Variants in FAIM2 observed in about 807,000 individuals in gnomAD.
The protein encoded by FAIM2 is Fas apoptotic inhibitory molecule 2, also known as protein lifeguard 2.
In FAIM2, 27 loss-of-function variants were observed where a neutral mutation model predicts 47.4. That is an observed-to-expected ratio of 0.57 (90% CI 0.42 to 0.78). The LOEUF (loss-of-function observed/expected upper bound fraction) is 0.78. Ranked by LOEUF, FAIM2 falls within the 30% of genes least tolerant of loss-of-function variation. FAIM2 has a pLI of 0.00. For synonymous variants in FAIM2, 156 were observed against 159.3 expected (o/e 0.98, Z 0.16); for missense variants, 311 against 389.4 (o/e 0.80, Z 1.69).
intron 5 of FAIM2, among the ~76,000 whole-genome samples, chr12:49,894,439 G>T (rs1056194078): frequency 6.6e-6 from 1 of 152,184 alleles, no homozygotes. Context: ...ACCAATGGAG[G>T]GAGGCGATGA....
chr12:49,887,973 G>A (rs946942961), intron 10 of FAIM2, among the ~76,000 whole-genome samples: 13 of 152,110 alleles, frequency 8.5e-5, no homozygotes, highest in African/African-American at 2.9e-4. Flanking sequence ...AGCACAGGCT[G>A]GAACAGCACC....
intron 2 of FAIM2, 76 bp from the exon 3 acceptor site, chr12:49,898,166 A>C: frequency 8.7e-5 from 82 of 939,722 alleles, no homozygotes; most frequent in Middle Eastern, 2.3e-4. Flanking sequence ...CCCCCAACTC[A>C]AAGCTGCCTT....
intron 7 of FAIM2, 123 bp from the exon 8 acceptor site, chr12:49,890,277 C>A (rs1387034544): frequency 1.2e-6 from 1 of 828,308 alleles, no homozygotes. Flanking sequence ...CTATGTCACC[C>A]CCACACACAC....
intron 5 of FAIM2, among the ~76,000 whole-genome samples, chr12:49,893,818 G>A (rs1034859565): frequency 3.2e-4 from 49 of 152,162 alleles, no homozygotes; most frequent in Admixed American, 4.6e-4. Context: ...GGAAACACTC[G>A]GAACCTGCCC....
At chr12:49,886,084 T>C (rs963894080) in intron 11 of FAIM2, among the ~76,000 whole-genome samples, 2 of 152,140 alleles carry the variant, frequency 1.3e-5, no homozygotes, top group Non-Finnish European at 2.9e-5. Context: ...CCACTTGAAT[T>C]GAGCTGAACG....
chr12:49,880,624 ATG>A (rs1169284178), intron 11 of FAIM2, among the ~76,000 whole-genome samples: 1 of 60,296 alleles, frequency 1.7e-5, no homozygotes. Flanking sequence ...GTGTATGTGC[ATG>A]TGTGTATATA....
intron 11 of FAIM2, among the ~76,000 whole-genome samples, chr12:49,879,417 A>C (rs1374563754): frequency 8.8e-6 from 1 of 113,954 alleles, no homozygotes; most frequent in Non-Finnish European, 1.9e-5. Flanking sequence ...TGTGCATGTG[A>C]GTGTATGTGT....
chr12:49,881,748 C>T (rs962736844), intron 11 of FAIM2, among the ~76,000 whole-genome samples: 2 of 152,200 alleles, frequency 1.3e-5, no homozygotes, highest in African/African-American at 4.8e-5. Flanking sequence ...ATATTTGGGT[C>T]TGGCATCCAG....
chr12:49,878,183 T>C (rs1175862315), intron 11 of FAIM2, among the ~76,000 whole-genome samples: 1 of 60,878 alleles, frequency 1.6e-5, no homozygotes, highest in Non-Finnish European at 2.9e-5. Context: ...TGCATGTGTA[T>C]ATGTGTGTGC....
chr12:49,879,239 T>C (rs1946778032), intron 11 of FAIM2, among the ~76,000 whole-genome samples: 1 of 125,594 alleles, frequency 8.0e-6, no homozygotes, highest in African/African-American at 3.6e-5. Context: ...TATGTATGCA[T>C]GCATGTGTGT....
intron 2 of FAIM2, among the ~76,000 whole-genome samples, chr12:49,898,590 A>G (rs1280539465): frequency 6.6e-6 from 1 of 152,086 alleles, no homozygotes; most frequent in African/African-American, 2.4e-5. Flanking sequence ...CAGTGGCATG[A>G]TCATGGCTCA....
chr12:49,896,768 C>T (rs558486681), intron 5 of FAIM2, among the ~76,000 whole-genome samples: 1 of 152,238 alleles, frequency 6.6e-6, no homozygotes, highest in South Asian at 2.1e-4. Flanking sequence ...ATAGCCCTGG[C>T]CCGACCCTTC....
At chr12:49,900,221 T>C in intron 2 of FAIM2, 4 of 1,287,094 alleles carry the variant, frequency 3.1e-6, no homozygotes, top group Middle Eastern at 2.1e-4. Context: ...AGGGGATTTG[T>C]AGTGGGAGGT....
rs1041300189 is a variant in FAIM2, at chr12:49,869,290, T to C, written c.*1214A>G. 1 of 152,912 alleles carries C rather than the reference T, an allele frequency of 6.5e-6. No homozygotes were observed. The highest frequency in any genetic ancestry group is 2.4e-5 in the African/African-American group (1 of 41,460). 9.5% of individuals were successfully genotyped at this position (152,912 alleles called of 1,614,324 possible). ...TGGGACCAGCTGGAGGGACTGGCCC[T>C]GGCTGTTAGCATCAGCTGGATGGCT... On this transcript the variant is annotated 3_prime_UTR_variant, in exon 12 of 12. Transcript: ENST00000320634.
At chr12:49,879,569 T>C (rs1435482945) in intron 11 of FAIM2, among the ~76,000 whole-genome samples, 7 of 151,976 alleles carry the variant, frequency 4.6e-5, no homozygotes, top group Non-Finnish European at 7.4e-5. Context: ...CATGCATGTA[T>C]ATGTGCGTGT....
At chr12:49,887,920 T>C (rs1466050626) in intron 10 of FAIM2, among the ~76,000 whole-genome samples, 1 of 152,122 alleles carries the variant, frequency 6.6e-6, no homozygotes, top group Non-Finnish European at 1.5e-5. Flanking sequence ...GGGGGGCATC[T>C]GGAGTCTCTG....
At chr12:49,896,487 G>A (rs1946938363) in intron 5 of FAIM2, among the ~76,000 whole-genome samples, 1 of 152,192 alleles carries the variant, frequency 6.6e-6, no homozygotes, top group Non-Finnish European at 1.5e-5. Context: ...GACTAGCTGT[G>A]TGACCTTGGG....
intron 11 of FAIM2, among the ~76,000 whole-genome samples, chr12:49,885,780 G>T (rs1946856765): frequency 1.3e-5 from 2 of 152,114 alleles, no homozygotes; most frequent in Non-Finnish European, 2.9e-5. Flanking sequence ...AAGCCTGGAG[G>T]TCATTTATTC....
At position 49,889,463 on chromosome 12, in the gene FAIM2, G is replaced by A. The variant is rs1037925997; in HGVS notation, c.651+18C>T. Reference sequence around the variant, plus strand: ...AGCCTCAGGCCAGGGGTCCCTGCCTGCAGGCCCCAGAGCTGACCTTGGTCT... The same window carrying A: ...AGCCTCAGGCCAGGGGTCCCTGCCTACAGGCCCCAGAGCTGACCTTGGTCT... On this transcript the variant is annotated intron_variant, in intron 9 of 11. Coordinates refer to ENST00000320634, the MANE Select transcript of FAIM2 (RefSeq NM_012306.4). 1 of 1,609,786 alleles carries A rather than the reference G, an allele frequency of 6.2e-7. No individual in the cohort carries two copies. Among genetic ancestry groups the A allele is most frequent in the African/African-American group, 1.3e-5 (1 of 74,910 alleles).
Sources: gnomAD v4.1 joint callset for allele counts (sites outside exome capture counted in the v4.1 genomes callset) on GRCh38, gnomAD v4.1.1 for gene constraint, MANE v1.5 for transcripts, NCBI Gene and HGNC (gene_info 2026-07-23, HGNC 2026-07-21) for gene names.